ONECUT3: variants seen among roughly 807,000 people sequenced by gnomAD.
The protein encoded by ONECUT3 is one cut homeobox 3.
A neutral mutation model predicts 16.8 loss-of-function variants in ONECUT3; 11 were observed. That is an observed-to-expected ratio of 0.66 (90% confidence interval 0.41 to 1.09). The LOEUF is 1.09. ONECUT3 is among the 50% of genes least tolerant of loss of function. ONECUT3 has a pLI of 0.00. For missense variants in ONECUT3, 637 were observed against 629.9 expected, an observed-to-expected ratio of 1.01 and a Z score of -0.12; for synonymous variants, 344 against 310.7, an observed-to-expected ratio of 1.11 and a Z score of -1.13.
intron 1 of ONECUT3, among the ~76,000 whole-genome samples, chr19:1,760,138 C>T (rs1384260784): frequency 6.6e-6 from 1 of 152,220 alleles, no homozygotes; most frequent in East Asian, 1.9e-4. Context: ...GGTTCCCATG[C>T]CCACCCTACA....
intron 1 of ONECUT3, among the ~76,000 whole-genome samples, chr19:1,767,608 C>CG (rs1568598079): frequency 6.6e-6 from 1 of 152,124 alleles, no homozygotes; most frequent in Non-Finnish European, 1.5e-5. Context: ...TGGGTTGGGG[C>CG]GGGGACGGCT....
Position 1,777,713 on chromosome 19 carries a change from T to G in ONECUT3, c.*2268T>G, listed in dbSNP as rs533925710. On this transcript the variant is annotated 3_prime_UTR_variant, in exon 2 of 2. Coordinates refer to ENST00000382349, the MANE Select transcript of ONECUT3 (RefSeq NM_001080488.2). ...TTTCTTTTTAAAAAGCTTTAGGTCT[T>G]GCCGGGCGCGGTGGTTCACGCCTGG... 1 of 152,248 alleles carries G rather than the reference T, an allele frequency of 6.6e-6. No individual in the cohort carries two copies. Among genetic ancestry groups the G allele is most frequent in the South Asian group, 2.1e-4 (1 of 4,822 alleles). The allele number at this position is 152,248 out of a possible 1,614,324, so 9.4% of individuals were successfully genotyped here.
Position 1,759,396 on chromosome 19 carries a change from C to T in ONECUT3, c.1192+4542C>T, listed in dbSNP as rs544913783. ...AATGGGCGAGGCAATCTGGGAGTCC[C>T]CCTTAAAGGGACAGGTGTCCACCCC... is the stretch of plus-strand genomic sequence containing the variant. On this transcript the variant is annotated intron_variant, in intron 1 of 1. Coordinates refer to ENST00000382349, the MANE Select transcript of ONECUT3 (RefSeq NM_001080488.2). The surrounding 1 kb of genome is among the most constrained non-coding windows in gnomAD (Gnocchi z 4.1). Among the ~76,000 whole-genome samples the T allele has an allele frequency of 7.0e-4, 106 of 151,676 alleles. 1 individual carries two copies. The highest frequency in any genetic ancestry group is 2.5e-3 in the African/African-American group (103 of 41,312).
At chr19:1,770,090 T>C (rs1241537077) in intron 1 of ONECUT3, among the ~76,000 whole-genome samples, 2 of 152,110 alleles carry the variant, frequency 1.3e-5, no homozygotes, top group African/African-American at 2.4e-5. Context: ...CCCTGCCTTG[T>C]AGAATTATTG....
chr19:1,773,531 C>T (rs2068076486), intron 1 of ONECUT3, among the ~76,000 whole-genome samples: 1 of 152,160 alleles, frequency 6.6e-6, no homozygotes, highest in Non-Finnish European at 1.5e-5. Flanking sequence ...ATGTCATGTT[C>T]CAGGCTGTTC....
Position 1,758,312 on chromosome 19 carries a change from AAAAAG to A in ONECUT3, c.1192+3460_1192+3464del, listed in dbSNP as rs767673143. On this transcript the variant is annotated intron_variant, in intron 1 of 1. Coordinates refer to ENST00000382349, the MANE Select transcript of ONECUT3 (RefSeq NM_001080488.2). The surrounding 1 kb of genome is among the most constrained non-coding windows in gnomAD (Gnocchi z 5.9). ...GAGGCAGAGAGACCAAAAAAAAAAAAAAAAGAGAGAGAGAGAGAGAGAGACAGAGA... is the reference window on the plus strand; with the variant it reads ...GAGGCAGAGAGACCAAAAAAAAAAAAAGAGAGAGAGAGAGAGAGACAGAGA... 0.012 allele frequency among the ~76,000 whole-genome samples: 1,382 copies of A among 117,880 alleles called. 9 individuals are homozygous for A. The highest frequency in any genetic ancestry group is 0.057 in the Middle Eastern group (14 of 246). The allele number at this position is 117,880 out of a possible 152,430, so 77.3% of individuals were successfully genotyped here.
At chr19:1,756,340 G>A (rs62130138) in intron 1 of ONECUT3, among the ~76,000 whole-genome samples, 5 of 152,168 alleles carry the variant, frequency 3.3e-5, no homozygotes, top group East Asian at 1.9e-4. Context: ...AGTCTTTCGC[G>A]TGTGGCAGGG....
chr19:1,761,237 G>A (rs1316934271), intron 1 of ONECUT3, among the ~76,000 whole-genome samples: 1 of 152,042 alleles, frequency 6.6e-6, no homozygotes, highest in South Asian at 2.1e-4. Flanking sequence ...GTTTTTAGTA[G>A]AGACCGGGTT....
In ONECUT3 at chr19:1,759,839, A is replaced by G. The variant is rs1157584886; in HGVS notation, c.1192+4985A>G. On this transcript the variant is annotated intron_variant, in intron 1 of 1. Transcript: ENST00000382349. This position sits in a 1 kb window ranked among gnomAD's most constrained non-coding sequence, Gnocchi z 4.1. ...CCACCGTAGGTTTCCACAGGGATGCACGGAGTGTGGATAGACCGAGACCGT... is the reference window on the plus strand; with the variant it reads ...CCACCGTAGGTTTCCACAGGGATGCGCGGAGTGTGGATAGACCGAGACCGT... Among the ~76,000 whole-genome samples the G allele has an allele frequency of 1.3e-5, 2 of 152,178 alleles. No individual in the cohort carries two copies. The highest frequency in any genetic ancestry group is 4.8e-5 in the African/African-American group (2 of 41,450).
Position 1,775,485 on chromosome 19 carries a change from G to A in ONECUT3, c.*40G>A. ...GCGCCCTCCCTGCCTCCACGGCCTGGGCGCTGTGCCCCCACGTCACCTCCC... is the reference window on the plus strand; with the variant it reads ...GCGCCCTCCCTGCCTCCACGGCCTGAGCGCTGTGCCCCCACGTCACCTCCC... On this transcript the variant is annotated 3_prime_UTR_variant, in exon 2 of 2. Transcript: ENST00000382349. The A allele has an allele frequency of 7.0e-7, 1 of 1,422,392 alleles. No homozygotes were observed. Among genetic ancestry groups the A allele is most frequent in the African/African-American group, 1.5e-5 (1 of 65,450 alleles). 88.1% of individuals were successfully genotyped at this position (1,422,392 alleles called of 1,614,324 possible).
chr19:1,768,856 G>A (rs1006039726), intron 1 of ONECUT3, among the ~76,000 whole-genome samples: 8 of 89,194 alleles, frequency 9.0e-5, no homozygotes, highest in African/African-American at 2.9e-4. Flanking sequence ...AGGTGGAGAC[G>A]ATGGAGGAGG....
chr19:1,778,866 T>TCACACACACACACACACACACACACACA lies in ONECUT3; in HGVS notation c.*3441_*3468dup, dbSNP rs60843841. On this transcript the variant is annotated 3_prime_UTR_variant, in exon 2 of 2. Coordinates refer to ENST00000382349, the MANE Select transcript of ONECUT3 (RefSeq NM_001080488.2). ...TGGATCCTTTTCAGATATCTTCGTA[T>TCACACACACACACACACACACACACACA]CACACACACACACACACACACACAC... 1 of 132,382 alleles carries TCACACACACACACACACACACACACACA rather than the reference T, an allele frequency of 7.6e-6. No individual in the cohort carries two copies. Among genetic ancestry groups the TCACACACACACACACACACACACACACA allele is most frequent in the African/African-American group, 3.0e-5 (1 of 33,856 alleles). The allele number at this position is 132,382 out of a possible 1,614,324, so 8.2% of individuals were successfully genotyped here.
rs1353858849 is a variant in ONECUT3 at position 1,777,132 on chromosome 19, T to G, written c.*1687T>G. 2 of 152,274 alleles carry G rather than the reference T, an allele frequency of 1.3e-5. No homozygotes were observed. Among genetic ancestry groups the G allele is most frequent in the African/African-American group, 4.8e-5 (2 of 41,458 alleles). The allele number at this position is 152,274 out of a possible 1,614,324, so 9.4% of individuals were successfully genotyped here. A position where few individuals can be genotyped will look rare whatever the true frequency, so the allele number is the denominator to read the frequency against. The stretch of plus-strand genomic sequence containing the variant: ...TTGAACCAAAGACGTGTATGGAGTG[T>G]TCTCTTGTCCTTATCGACTTGCTCT... On this transcript the variant is annotated 3_prime_UTR_variant, in exon 2 of 2. Coordinates refer to ENST00000382349, the MANE Select transcript of ONECUT3 (RefSeq NM_001080488.2).
intron 1 of ONECUT3, among the ~76,000 whole-genome samples, chr19:1,767,088 T>C (rs920144957): frequency 6.6e-6 from 1 of 152,036 alleles, no homozygotes; most frequent in African/African-American, 2.4e-5. Flanking sequence ...CCCAACTTTC[T>C]ACTCTTGGCC....
intron 1 of ONECUT3, among the ~76,000 whole-genome samples, chr19:1,772,860 ATT>A (rs759006591): frequency 0.065 from 6,988 of 107,126 alleles, 237 homozygotes; most frequent in African/African-American, 0.1. Context: ...CGTCCAGCTA[ATT>A]TTTTTTTTTT....
rs976172655 is a variant in ONECUT3 at position 1,777,723 on chromosome 19, G to C, written c.*2278G>C. The C allele has an allele frequency of 1.3e-5, 2 of 152,120 alleles. No individual in the cohort carries two copies. The highest frequency in any genetic ancestry group is 2.1e-4 in the South Asian group (1 of 4,826). 9.4% of individuals were successfully genotyped at this position (152,120 alleles called of 1,614,324 possible). Reference sequence around the variant, plus strand: ...AAAAGCTTTAGGTCTTGCCGGGCGCGGTGGTTCACGCCTGGAATCCCAGCA... The same window carrying C: ...AAAAGCTTTAGGTCTTGCCGGGCGCCGTGGTTCACGCCTGGAATCCCAGCA... On this transcript the variant is annotated 3_prime_UTR_variant, in exon 2 of 2. Transcript: ENST00000382349.
In ONECUT3 at chr19:1,754,182, G is replaced by C. The variant is rs1248046833; in HGVS notation, c.520G>C (p.Glu174Gln). 2 of 1,110,952 alleles carry C rather than the reference G, an allele frequency of 1.8e-6. No homozygotes were observed. The highest frequency in any genetic ancestry group is 2.1e-5 in the South Asian group (1 of 48,698). 68.8% of individuals were successfully genotyped at this position (1,110,952 alleles called of 1,614,324 possible). ...CGGCAGCTTCACCCTCATGCGCGAC[G>C]AGCGGGCGGCGCTCGCCTCCGTGGG... ...VSGSFTLMRD[E>Q]RAALASVGHL... Residue 174 changes from glutamate (E) to glutamine (Q), a missense_variant, in exon 1 of 2, where the codon GAG (glutamate) becomes CAG (glutamine). Glu to Gln is a conservative substitution (Grantham distance 29). Coordinates refer to ENST00000382349, the MANE Select transcript of ONECUT3 (RefSeq NM_001080488.2). The surrounding 1 kb of genome is among the most constrained non-coding windows in gnomAD (Gnocchi z 7.4).
rs1011491176 is a variant in ONECUT3, at chr19:1,755,216, C to G, written c.1192+362C>G. Among the ~76,000 whole-genome samples, 2 of 152,046 alleles carry G rather than the reference C, an allele frequency of 1.3e-5. No homozygotes were observed. The highest frequency in any genetic ancestry group is 2.9e-5 in the Non-Finnish European group (2 of 68,000). On this transcript the variant is annotated intron_variant, in intron 1 of 1. Transcript: ENST00000382349. This position sits in a 1 kb window ranked among gnomAD's most constrained non-coding sequence, Gnocchi z 7.5. ...GTGCGTGTGTGTGTGTGAGCGCGCG[C>G]CTGTTGGGGGGAGCTGTGTCCCCGA... is the stretch of plus-strand genomic sequence containing the variant.
rs1408910833 is a variant in ONECUT3, at chr19:1,779,690, G to GCGTGGCCCGGTTC, written c.*4250_*4262dup. ...AAGTGGTCAGGGTGGGGGGCGGGGGGCGTGGCCCGGTTCCGTGTCGCATCT... is the reference window on the plus strand; with the variant it reads ...AAGTGGTCAGGGTGGGGGGCGGGGGGCGTGGCCCGGTTCCGTGGCCCGGTTCCGTGTCGCATCT... On this transcript the variant is annotated 3_prime_UTR_variant, in exon 2 of 2. Coordinates refer to ENST00000382349, the MANE Select transcript of ONECUT3 (RefSeq NM_001080488.2). 2 of 137,922 alleles carry GCGTGGCCCGGTTC rather than the reference G, an allele frequency of 1.5e-5. No homozygotes were observed. Among genetic ancestry groups the GCGTGGCCCGGTTC allele is most frequent in the African/African-American group, 5.3e-5 (2 of 37,994 alleles). The allele number at this position is 137,922 out of a possible 1,614,324, so 8.5% of individuals were successfully genotyped here.
Sources: allele counts gnomAD v4.1 joint callset (sites outside exome capture counted in the v4.1 genomes callset), GRCh38; gene constraint gnomAD v4.1.1; non-coding constraint Gnocchi (gnomAD v3.1); transcripts MANE v1.5; gene names NCBI Gene and HGNC (gene_info 2026-07-23, HGNC 2026-07-21).